Variants in BRINP1 observed in about 807,000 individuals in gnomAD.
The protein encoded by BRINP1 is BMP/retinoic acid inducible neural specific 1.
Under a neutral mutation model 72.9 loss-of-function variants are expected in BRINP1, and 17 were observed. The observed-to-expected ratio is 0.23, with a 90% CI of 0.16 to 0.35. The LOEUF (loss-of-function observed/expected upper bound fraction) is 0.35. BRINP1 is among the 10% of genes least tolerant of loss of function. The pLI, the probability that BRINP1 is intolerant of heterozygous loss-of-function variation, is 1.00. For synonymous variants in BRINP1, 418 were observed against 378.5 expected (o/e 1.10, Z -1.21); for missense variants, 850 against 1,001.6 (o/e 0.85, Z 2.04).
chr9:119,216,289 G>C (rs939763440), intron 5 of BRINP1, among the ~76,000 whole-genome samples: 8 of 152,112 alleles, frequency 5.3e-5, no homozygotes, highest in Non-Finnish European at 8.8e-5. Context: ...TGTTGAGAAA[G>C]GTGTATATGT....
intron 1 of BRINP1, among the ~76,000 whole-genome samples, chr9:119,340,359 G>T (rs1831394139): frequency 6.6e-6 from 1 of 152,018 alleles, no homozygotes; most frequent in Admixed American, 6.6e-5. Flanking sequence ...TGGCCCCCAA[G>T]GGGCTAAAAT....
chr9:119,196,376 C>T (rs1200516923), intron 7 of BRINP1, among the ~76,000 whole-genome samples: 1 of 152,162 alleles, frequency 6.6e-6, no homozygotes, highest in South Asian at 2.1e-4. Context: ...AGAAGAAATA[C>T]TGAATCCTCT....
intron 5 of BRINP1, among the ~76,000 whole-genome samples, chr9:119,231,329 A>C (rs1830147467): frequency 1.3e-5 from 2 of 152,060 alleles, no homozygotes; most frequent in Admixed American, 1.3e-4. Context: ...CCAGTTATGC[A>C]CAAGACCCTA....
intron 2 of BRINP1, among the ~76,000 whole-genome samples, chr9:119,299,886 G>A (rs2118981700): frequency 6.6e-6 from 1 of 152,230 alleles, no homozygotes; most frequent in South Asian, 2.1e-4. Flanking sequence ...CTGCATTACA[G>A]CCATTATAAA....
chr9:119,224,302 T>C (rs1300435395), intron 5 of BRINP1, among the ~76,000 whole-genome samples: 3 of 152,074 alleles, frequency 2.0e-5, no homozygotes, highest in Non-Finnish European at 4.4e-5. Context: ...GGAAAGTCAT[T>C]TTGTACAGGA....
chr9:119,196,145 C>T (rs916401622), intron 7 of BRINP1, among the ~76,000 whole-genome samples: 7 of 152,058 alleles, frequency 4.6e-5, no homozygotes, highest in Admixed American at 3.9e-4. Context: ...GAGATGTGAC[C>T]ATATTTAAGG....
At chr9:119,335,751 GA>G (rs1831340026) in intron 1 of BRINP1, among the ~76,000 whole-genome samples, 1 of 152,218 alleles carries the variant, frequency 6.6e-6, no homozygotes, top group Non-Finnish European at 1.5e-5. Context: ...AGTGTGCTCA[GA>G]CTTCTCTAAA....
At chr9:119,196,408 A>G (rs903886223) in intron 7 of BRINP1, among the ~76,000 whole-genome samples, 7 of 152,184 alleles carry the variant, frequency 4.6e-5, no homozygotes, top group African/African-American at 1.7e-4. Context: ...GAGAGATCCC[A>G]TCGATTCTCC....
chr9:119,329,991 G>C (rs1831282742), intron 1 of BRINP1, among the ~76,000 whole-genome samples: 1 of 152,178 alleles, frequency 6.6e-6, no homozygotes, highest in Non-Finnish European at 1.5e-5. Flanking sequence ...TAGGCCCCGA[G>C]CTGGGCTTTC....
rs116333008 is a variant in BRINP1, at chr9:119,340,948, C to T, written c.-50-27543G>A. On this transcript the variant is annotated intron_variant, in intron 1 of 7. Transcript: ENST00000265922. ...AAAAGGCTCGAAGAGGGAGACATGA[C>T]CCTGGACACAAATGTCCAGCACTGG... Among the ~76,000 whole-genome samples, 193 of 152,280 alleles carry T rather than the reference C, an allele frequency of 1.3e-3. 1 individual carries two copies. Among genetic ancestry groups the T allele is most frequent in the African/African-American group, 4.5e-3 (187 of 41,564 alleles).
At chr9:119,359,318 C>T (rs1186036973) in intron 1 of BRINP1, among the ~76,000 whole-genome samples, 1 of 152,270 alleles carries the variant, frequency 6.6e-6, no homozygotes, top group East Asian at 1.9e-4. Context: ...CTCAGCACCC[C>T]CGAAGTAGCC....
chr9:119,289,429 C>A lies in BRINP1; in HGVS notation c.218+23709G>T, dbSNP rs78245207. ...TTTTATTTTAGGAGATCAGTTAACTCTGGCTGTTCCGTGAAAGGAGGAGGC... is the reference window on the plus strand; with the variant it reads ...TTTTATTTTAGGAGATCAGTTAACTATGGCTGTTCCGTGAAAGGAGGAGGC... On this transcript the variant is annotated intron_variant, in intron 2 of 7. Transcript: ENST00000265922. Among the ~76,000 whole-genome samples the A allele has an allele frequency of 8.1e-3, 1,232 of 152,232 alleles. 15 individuals carry two copies. Among genetic ancestry groups the A allele is most frequent in the African/African-American group, 0.029 (1,191 of 41,536 alleles).
chr9:119,200,566 G>A lies in BRINP1; in HGVS notation c.1145+8153C>T, dbSNP rs181847213. Among the ~76,000 whole-genome samples the A allele has an allele frequency of 1.5e-3, 232 of 150,220 alleles. 1 individual carries two copies. Among genetic ancestry groups the A allele is most frequent in the Non-Finnish European group, 2.7e-3 (184 of 67,746 alleles). On this transcript the variant is annotated intron_variant, in intron 7 of 7. Coordinates refer to ENST00000265922, the MANE Select transcript of BRINP1 (RefSeq NM_014618.3). Reference sequence around the variant, plus strand: ...TTAAGCCCAGGAGTTTGAGACTACAGTGAGCTATGATCATACCACTGCACT... The same window carrying A: ...TTAAGCCCAGGAGTTTGAGACTACAATGAGCTATGATCATACCACTGCACT...
At chr9:119,203,227 A>C (rs951918729) in intron 7 of BRINP1, among the ~76,000 whole-genome samples, 1 of 152,104 alleles carries the variant, frequency 6.6e-6, no homozygotes, top group Non-Finnish European at 1.5e-5. Flanking sequence ...CTTGACCATC[A>C]AGTCCAACAG....
chr9:119,178,099 G>A (rs2118834448), intron 7 of BRINP1, among the ~76,000 whole-genome samples: 1 of 152,242 alleles, frequency 6.6e-6, no homozygotes, highest in Middle Eastern at 3.4e-3. Flanking sequence ...AGGAGACCCT[G>A]GACAGGGAGG....
chr9:119,212,653 A>C (rs1201418182), intron 6 of BRINP1, among the ~76,000 whole-genome samples: 1 of 152,212 alleles, frequency 6.6e-6, no homozygotes, highest in Non-Finnish European at 1.5e-5. Flanking sequence ...AGATTTAAGA[A>C]ATATAATGTT....
chr9:119,237,796 G>T (rs73532261), intron 5 of BRINP1, among the ~76,000 whole-genome samples: 1 of 151,728 alleles, frequency 6.6e-6, no homozygotes, highest in East Asian at 1.9e-4. Context: ...TGAATAGCTC[G>T]GACTATAGGC....
At chr9:119,251,438 C>T (rs1006678242) in intron 2 of BRINP1, among the ~76,000 whole-genome samples, 20 of 152,142 alleles carry the variant, frequency 1.3e-4, no homozygotes, top group African/African-American at 4.6e-4. Context: ...TTTAGATCAA[C>T]GAAGTGTGGT....
intron 7 of BRINP1, among the ~76,000 whole-genome samples, chr9:119,168,746 A>AGAAATCATGT (rs1408836044): frequency 6.6e-6 from 1 of 152,246 alleles, no homozygotes; most frequent in Non-Finnish European, 1.5e-5. Context: ...ATCATACGCT[A>AGAAATCATGT]GAAATCATGT....
Sources: gnomAD v4.1 joint callset for allele counts (sites outside exome capture counted in the v4.1 genomes callset) on GRCh38, gnomAD v4.1.1 for gene constraint, MANE v1.5 for transcripts, NCBI Gene and HGNC (gene_info 2026-07-23, HGNC 2026-07-21) for gene names.